Variants in SLC45A4 observed in about 807,000 individuals in gnomAD.
SLC45A4 encodes the protein solute carrier family 45 member 4.
In SLC45A4, 32 loss-of-function variants were observed where a neutral mutation model predicts 63.7. That is an observed-to-expected ratio of 0.50 (90% confidence interval 0.38 to 0.67). The LOEUF (loss-of-function observed/expected upper bound fraction) is 0.67. Among genes scored for constraint, SLC45A4 ranks in the 30% least tolerant of loss-of-function variants. The pLI is 0.00. For missense variants in SLC45A4, 1,027 were observed against 1,157.7 expected (o/e 0.89, Z 1.64); for synonymous variants, 535 against 510.0 (o/e 1.05, Z -0.66).
chr8:141,244,911 G>A (rs1360224415), intron 2 of SLC45A4, among the ~76,000 whole-genome samples: 1 of 140,984 alleles, frequency 7.1e-6, no homozygotes, highest in Non-Finnish European at 1.5e-5. Context: ...AAACCTCTGA[G>A]TTTGGAAATG....
At chr8:141,251,903 G>C (rs915946898) in intron 2 of SLC45A4, among the ~76,000 whole-genome samples, 18 of 150,334 alleles carry the variant, frequency 1.2e-4, no homozygotes, top group African/African-American at 4.4e-4. Context: ...TGATGCCAGC[G>C]GGGCTGCCCC....
At chr8:141,290,716 T>C (rs1180631912) in intron 1 of SLC45A4, among the ~76,000 whole-genome samples, 29 of 152,228 alleles carry the variant, frequency 1.9e-4, no homozygotes. Flanking sequence ...AAGCACGTTG[T>C]CCTTGGGTCC....
At chr8:141,245,464 C>T (rs988028278) in intron 2 of SLC45A4, among the ~76,000 whole-genome samples, 3 of 152,202 alleles carry the variant, frequency 2.0e-5, no homozygotes, top group African/African-American at 7.2e-5. Context: ...CGCTCCATCA[C>T]GTCTTCTGTC....
chr8:141,268,794 C>A (rs1342144394), intron 1 of SLC45A4, among the ~76,000 whole-genome samples: 3 of 152,180 alleles, frequency 2.0e-5, no homozygotes, highest in Admixed American at 6.5e-5. Context: ...GTGCCACCTG[C>A]TTACACCTGA....
chr8:141,238,283 C>T (rs770036914), intron 2 of SLC45A4, among the ~76,000 whole-genome samples: 5 of 152,226 alleles, frequency 3.3e-5, no homozygotes, highest in African/African-American at 4.8e-5. Context: ...TTTGTAAAGT[C>T]GCCCCTTTTT....
At chr8:141,225,697 G>C (rs903472573) in intron 2 of SLC45A4, 4 of 152,484 alleles carry the variant, frequency 2.6e-5, no homozygotes, top group Non-Finnish European at 5.9e-5. Flanking sequence ...TTCTCACCCC[G>C]GGAGACAAGA....
rs780745232 is a variant in SLC45A4 at position 141,211,418 on chromosome 8, G to A, written c.*154C>T. ...GGTGCCCAGCCCATCCCTGGGCAGGGTGTCTGGGAGCCACCCCTGCAAATC... is the reference window on the plus strand; with the variant it reads ...GGTGCCCAGCCCATCCCTGGGCAGGATGTCTGGGAGCCACCCCTGCAAATC... On this transcript the variant is annotated 3_prime_UTR_variant, in exon 9 of 9. Transcript: ENST00000517878. 2 of 1,549,658 alleles carry A rather than the reference G, an allele frequency of 1.3e-6. No homozygotes were observed. Among genetic ancestry groups the A allele is most frequent in the South Asian group, 1.2e-5 (1 of 81,606 alleles).
intron 1 of SLC45A4, among the ~76,000 whole-genome samples, chr8:141,288,430 G>A (rs1480099339): frequency 2.0e-5 from 3 of 152,210 alleles, no homozygotes; most frequent in African/African-American, 7.2e-5. Context: ...ACGACAGAGT[G>A]ACCCACCACG....
intron 1 of SLC45A4, among the ~76,000 whole-genome samples, chr8:141,284,448 G>A (rs969768805): frequency 2.8e-4 from 42 of 152,354 alleles, no homozygotes; most frequent in Admixed American, 8.5e-4. Context: ...AAGTTGGCGG[G>A]GCTGGCGAGG....
intron 1 of SLC45A4, among the ~76,000 whole-genome samples, chr8:141,304,610 G>C (rs1405056100): frequency 6.7e-6 from 1 of 149,338 alleles, no homozygotes; most frequent in East Asian, 2.0e-4. Context: ...CCTCTCACCT[G>C]AAGTCCCCAA....
chr8:141,275,073 G>A (rs944442673), intron 1 of SLC45A4, among the ~76,000 whole-genome samples: 2 of 152,176 alleles, frequency 1.3e-5, no homozygotes, highest in South Asian at 2.1e-4. Context: ...TCTGAATTCC[G>A]CCAACCACAT....
At chr8:141,266,291 A>C (rs1283181136) in intron 1 of SLC45A4, among the ~76,000 whole-genome samples, 2 of 152,146 alleles carry the variant, frequency 1.3e-5, no homozygotes, top group African/African-American at 4.8e-5. Context: ...GGCTGCAGAC[A>C]CCGCTTGTGG....
intron 2 of SLC45A4, among the ~76,000 whole-genome samples, chr8:141,231,300 C>T (rs1381781490): frequency 6.6e-6 from 1 of 152,168 alleles, no homozygotes; most frequent in Non-Finnish European, 1.5e-5. Context: ...CAGCAGGGAC[C>T]CCTCAAAGGT....
At chr8:141,286,423 G>A (rs1236302359) in intron 1 of SLC45A4, among the ~76,000 whole-genome samples, 1 of 152,192 alleles carries the variant, frequency 6.6e-6, no homozygotes, top group African/African-American at 2.4e-5. Context: ...GCAGAAGCCT[G>A]CCAATGTATC....
chr8:141,276,963 C>A (rs1377698579), intron 1 of SLC45A4, among the ~76,000 whole-genome samples: 1 of 152,254 alleles, frequency 6.6e-6, no homozygotes, highest in East Asian at 1.9e-4. Context: ...AAGCACTGCC[C>A]TCCAGGATCG....
At chr8:141,296,517 AAATT>A (rs1474639108) in intron 1 of SLC45A4, among the ~76,000 whole-genome samples, 4 of 75,530 alleles carry the variant, frequency 5.3e-5, no homozygotes, top group Non-Finnish European at 1.2e-4. Flanking sequence ...AAAAAAAAAA[AAATT>A]AAAATTAAAA....
intron 2 of SLC45A4, among the ~76,000 whole-genome samples, chr8:141,253,491 C>G (rs574630995): frequency 6.6e-6 from 1 of 152,240 alleles, no homozygotes; most frequent in Admixed American, 6.5e-5. Context: ...GTATCTCCCA[C>G]AGCCAGGCAC....
At chr8:141,219,106 C>G in intron 4 of SLC45A4, 77 bp from the exon 5 acceptor site, 2 of 1,516,706 alleles carry the variant, frequency 1.3e-6, no homozygotes, top group Non-Finnish European at 1.8e-6. Flanking sequence ...GGGCCTCTCC[C>G]TCTAACAGGG....
intron 2 of SLC45A4, chr8:141,225,693 C>A (rs1473851280): frequency 2.6e-5 from 4 of 152,498 alleles, no homozygotes. Flanking sequence ...AGGCTTCTCA[C>A]CCCGGGAGAC....
Sources: allele counts gnomAD v4.1 joint callset (sites outside exome capture counted in the v4.1 genomes callset), GRCh38; gene constraint gnomAD v4.1.1; transcripts MANE v1.5; gene names NCBI Gene and HGNC (gene_info 2026-07-23, HGNC 2026-07-21).